USP10: variants seen among roughly 807,000 people sequenced by gnomAD.
USP10 encodes the protein ubiquitin specific peptidase 10, also known as ubiquitin carboxyl-terminal hydrolase 10.
USP10 carries 22 observed loss-of-function variants against 84.5 expected under a neutral mutation model. That is an observed-to-expected ratio of 0.26 (90% confidence interval 0.19 to 0.37). The LOEUF (loss-of-function observed/expected upper bound fraction) is 0.37, where lower values mean the gene tolerates loss of function less well. Ranked by LOEUF, USP10 falls within the 10% of genes least tolerant of loss-of-function variation. The pLI, the probability that USP10 is intolerant of heterozygous loss-of-function variation, is 1.00. For missense variants in USP10, 1,019 were observed against 998.9 expected, an observed-to-expected ratio of 1.02 and a Z score of -0.27; for synonymous variants, 454 against 387.6, an observed-to-expected ratio of 1.17 and a Z score of -2.01.
chr16:84,736,201 A>G (rs905945822), intron 2 of USP10, among the ~76,000 whole-genome samples: 1 of 152,250 alleles, frequency 6.6e-6, no homozygotes, highest in Non-Finnish European at 1.5e-5. Context: ...TGGCTGTGGC[A>G]TGAGTTACAA....
At chr16:84,730,762 C>G (rs1168658117) in intron 1 of USP10, among the ~76,000 whole-genome samples, 2 of 152,088 alleles carry the variant, frequency 1.3e-5, no homozygotes, top group Non-Finnish European at 2.9e-5. Context: ...TGTATATGAA[C>G]TGAAATAAGA....
intron 11 of USP10, among the ~76,000 whole-genome samples, chr16:84,771,840 C>G (rs999488191): frequency 6.6e-6 from 1 of 152,124 alleles, no homozygotes; most frequent in African/African-American, 2.4e-5. Context: ...TGTACTCCAG[C>G]CTGGGCGACA....
intron 1 of USP10, among the ~76,000 whole-genome samples, chr16:84,703,888 A>T (rs1037150904): frequency 3.3e-5 from 5 of 152,220 alleles, no homozygotes; most frequent in Admixed American, 2.6e-4. Flanking sequence ...AGTGAATACT[A>T]AGCGGGCCTA....
intron 1 of USP10, among the ~76,000 whole-genome samples, chr16:84,708,665 T>C (rs1905868757): frequency 6.6e-6 from 1 of 152,224 alleles, no homozygotes; most frequent in Non-Finnish European, 1.5e-5. Context: ...ATCAGAGTAC[T>C]GCAATGGCAA....
chr16:84,732,583 A>G (rs1307530166), intron 1 of USP10: 3 of 331,930 alleles, frequency 9.0e-6, no homozygotes, highest in East Asian at 2.2e-4. Context: ...AGCAGCCGGG[A>G]CTACAGGTAC....
intron 13 of USP10, among the ~76,000 whole-genome samples, chr16:84,776,385 C>T (rs1243274085): frequency 6.6e-6 from 1 of 152,104 alleles, no homozygotes; most frequent in Non-Finnish European, 1.5e-5. Context: ...TCCCTCTCTT[C>T]CTCTCACTAT....
At chr16:84,724,757 C>T (rs1447924979) in intron 1 of USP10, among the ~76,000 whole-genome samples, 1 of 152,162 alleles carries the variant, frequency 6.6e-6, no homozygotes, top group Non-Finnish European at 1.5e-5. Flanking sequence ...GTTTTACTCT[C>T]GTAGTCTCGC....
At position 84,705,077 on chromosome 16, in the gene USP10, C is replaced by T. The variant is rs1009716513; in HGVS notation, c.21+4966C>T. On this transcript the variant is annotated intron_variant, in intron 1 of 13. Transcript: ENST00000219473. Reference sequence around the variant, plus strand: ...TACAGCCTTATCGGTTGTCATTCTTCGGATCCATTCTCAGTTTATTTTTCT... The same window carrying T: ...TACAGCCTTATCGGTTGTCATTCTTTGGATCCATTCTCAGTTTATTTTTCT... Among the ~76,000 whole-genome samples, 7 of 152,294 alleles carry T rather than the reference C, an allele frequency of 4.6e-5. No individual in the cohort carries two copies. In the South Asian group the frequency reaches 1.0e-3, roughly 23 times the overall value.
intron 4 of USP10, among the ~76,000 whole-genome samples, chr16:84,755,002 A>AG (rs56950885): frequency 6.1e-5 from 9 of 148,524 alleles, no homozygotes; most frequent in South Asian, 4.2e-4. Context: ...AAAAAAAAAA[A>AG]GGAGCTGTGT....
chr16:84,777,001 C>G (rs1267027992), intron 13 of USP10, among the ~76,000 whole-genome samples: 3 of 152,184 alleles, frequency 2.0e-5, no homozygotes, highest in African/African-American at 7.2e-5. Context: ...TGAATAGAGA[C>G]GAGGTTTCGC....
At chr16:84,774,355 G>C (rs1165805990) in intron 12 of USP10, among the ~76,000 whole-genome samples, 1 of 152,204 alleles carries the variant, frequency 6.6e-6, no homozygotes, top group African/African-American at 2.4e-5. Context: ...TCTTGTGTCG[G>C]TGTAAGTGGT....
chr16:84,779,113 C>A lies in USP10; in HGVS notation c.*31C>A, dbSNP rs777128531. The stretch of plus-strand genomic sequence containing the variant: ...GTGTGCGCTGTGTGTGCGCCCAGTG[C>A]CCGCTTCGTAGGACACCACCTCACA... On this transcript the variant is annotated 3_prime_UTR_variant, in exon 14 of 14. Coordinates refer to ENST00000219473, the MANE Select transcript of USP10 (RefSeq NM_005153.3). The A allele has an allele frequency of 2.5e-6, 4 of 1,589,258 alleles. No individual in the cohort carries two copies. The African/African-American group carries it at 4.0e-5, about 16-fold the overall frequency.
chr16:84,729,799 T>G (rs1459512794), intron 1 of USP10, among the ~76,000 whole-genome samples: 1 of 152,180 alleles, frequency 6.6e-6, no homozygotes, highest in Non-Finnish European at 1.5e-5. Flanking sequence ...TTAAGGAAAT[T>G]AAGTTGGAGT....
At chr16:84,749,528 C>T (rs1911651919) in intron 4 of USP10, among the ~76,000 whole-genome samples, 1 of 151,356 alleles carries the variant, frequency 6.6e-6, no homozygotes, top group African/African-American at 2.4e-5. Flanking sequence ...TAACTTGAGC[C>T]CGGGAGTTCG....
chr16:84,777,003 A>C (rs1915091502), intron 13 of USP10, among the ~76,000 whole-genome samples: 1 of 152,190 alleles, frequency 6.6e-6, no homozygotes, highest in Non-Finnish European at 1.5e-5. Context: ...AATAGAGACG[A>C]GGTTTCGCCC....
intron 1 of USP10, among the ~76,000 whole-genome samples, chr16:84,725,428 T>C (rs1443519132): frequency 3.3e-5 from 5 of 152,178 alleles, no homozygotes; most frequent in African/African-American, 1.2e-4. Context: ...AGACGGAGTT[T>C]TGCTCTTGTT....
In USP10 at chr16:84,754,037, T is replaced by C. The variant is rs114675616; in HGVS notation, c.1193-4679T>C. 8.7e-4 allele frequency among the ~76,000 whole-genome samples: 133 copies of C among 152,274 alleles called. 1 individual carries two copies. Among genetic ancestry groups the C allele is most frequent in the African/African-American group, 3.2e-3 (131 of 41,554 alleles). On this transcript the variant is annotated intron_variant, in intron 4 of 13. Transcript: ENST00000219473. ...GGACACAAAAGGCCACCAAGTCCTG[T>C]TACCTTAGATGGTGCGGACTTTGTT...
chr16:84,708,489 T>A (rs1905844622), intron 1 of USP10, among the ~76,000 whole-genome samples: 2 of 152,362 alleles, frequency 1.3e-5, no homozygotes, highest in South Asian at 2.1e-4. Context: ...ATTCAGATTC[T>A]TGTCCATCCA....
chr16:84,775,247 T>C (rs1914877179), intron 13 of USP10, 22 bp downstream of exon 13: 1 of 1,609,244 alleles, frequency 6.2e-7, no homozygotes, highest in Non-Finnish European at 8.5e-7. Context: ...TGTACGACAT[T>C]ACTTCTTCAT....
Sources: allele counts gnomAD v4.1 joint callset (sites outside exome capture counted in the v4.1 genomes callset), GRCh38; gene constraint gnomAD v4.1.1; transcripts MANE v1.5; gene names NCBI Gene and HGNC (gene_info 2026-07-23, HGNC 2026-07-21).